DMD: variants seen among roughly 807,000 people sequenced by gnomAD.
The protein encoded by DMD is mutant dystrophin.
DMD carries 63 observed loss-of-function variants against 330.1 expected under a neutral mutation model. That is an observed-to-expected ratio of 0.19 (90% CI 0.16 to 0.24). The LOEUF is 0.24. Ranked by LOEUF, DMD falls within the 10% of genes least tolerant of loss-of-function variation. DMD has a pLI of 1.00. For missense variants in DMD, 3,344 were observed against 2,684.1 expected (o/e 1.25, Z -5.43); for synonymous variants, 1,223 against 959.8 (o/e 1.27, Z -5.07).
rs190194226 is a variant in DMD, at chrX:31,192,356, G to A, written c.9808-9452C>T. Among the ~76,000 whole-genome samples, 287 of 112,423 alleles carry A rather than the reference G, an allele frequency of 2.6e-3. 2 individuals carry two copies. The highest frequency in any genetic ancestry group is 0.023 in the Middle Eastern group (5 of 218). On this transcript the variant is annotated intron_variant, in intron 67 of 78. Transcript: ENST00000357033. ...ACTTGGGTTTTACCTTTGAGTTACT[G>A]AGGAAACTATAGTGTACGGACGCAA...
intron 44 of DMD, among the ~76,000 whole-genome samples, chrX:32,109,572 A>G (rs2096580008): frequency 9.6e-6 from 1 of 104,492 alleles, no homozygotes; most frequent in South Asian, 4.5e-4. Context: ...ATCACAGAAT[A>G]TTAGAGCTGG....
intron 19 of DMD, among the ~76,000 whole-genome samples, chrX:32,498,989 T>C (rs969338132): frequency 8.9e-5 from 10 of 111,948 alleles, no homozygotes; most frequent in African/African-American, 3.2e-4. Flanking sequence ...GTTTTCTGCA[T>C]TACTTAAGTG....
chrX:32,677,858 A>T (rs2062078685), intron 9 of DMD, among the ~76,000 whole-genome samples: 1 of 111,999 alleles, frequency 8.9e-6, no homozygotes. Flanking sequence ...AACAACGTAA[A>T]TGCCCGATAG....
At chrX:33,288,084 G>C (rs2053460088) in intron 1 of DMD, among the ~76,000 whole-genome samples, 1 of 111,710 alleles carries the variant, frequency 9.0e-6, no homozygotes, top group Non-Finnish European at 1.9e-5. Flanking sequence ...TCTAGGTTTA[G>C]TTTAAGGATT....
intron 51 of DMD, among the ~76,000 whole-genome samples, chrX:31,753,118 G>A (rs1468082023): frequency 9.1e-6 from 1 of 110,247 alleles, no homozygotes; most frequent in East Asian, 2.8e-4. Context: ...TCAGCCCAGG[G>A]ATGTGAATGA....
intron 41 of DMD, among the ~76,000 whole-genome samples, chrX:32,340,796 A>G (rs1174073564): frequency 1.8e-5 from 2 of 111,945 alleles, no homozygotes; most frequent in Non-Finnish European, 3.8e-5. Context: ...TTTATGACAC[A>G]TTACATTCAT....
At chrX:33,103,381 C>T (rs1255922970) in intron 1 of DMD, among the ~76,000 whole-genome samples, 2 of 110,426 alleles carry the variant, frequency 1.8e-5, no homozygotes, top group African/African-American at 3.3e-5. Context: ...GTGAAAATGG[C>T]CTGTTCCTGC....
At chrX:32,752,960 C>G (rs2071023736) in intron 7 of DMD, among the ~76,000 whole-genome samples, 1 of 110,974 alleles carries the variant, frequency 9.0e-6, no homozygotes, top group South Asian at 3.9e-4. Flanking sequence ...TCTATTAAAC[C>G]CTTTTTGCTG....
chrX:33,252,078 C>T (rs562477130), intron 1 of DMD, among the ~76,000 whole-genome samples: 2 of 111,833 alleles, frequency 1.8e-5, no homozygotes, highest in African/African-American at 6.5e-5. Context: ...AATGTTTCAG[C>T]TTTCTTTTTA....
At chrX:33,305,588 A>G (rs888358539) in intron 1 of DMD, among the ~76,000 whole-genome samples, 6 of 101,576 alleles carry the variant, frequency 5.9e-5, no homozygotes, top group African/African-American at 2.1e-4. Flanking sequence ...TTTAAAAAAA[A>G]TGCCAAATAT....
chrX:32,305,944 C>T (rs7057277), intron 42 of DMD, among the ~76,000 whole-genome samples: 17,119 of 110,301 alleles, frequency 0.16, 1,026 homozygotes, highest in African/African-American at 0.18. Flanking sequence ...CCAATCTTTG[C>T]TCAAAGGTCA....
chrX:32,242,428 C>G lies in DMD; in HGVS notation c.6291-25365G>C, dbSNP rs139599902. Among the ~76,000 whole-genome samples, 718 of 111,662 alleles carry G rather than the reference C, an allele frequency of 6.4e-3. 6 individuals carry two copies. Among genetic ancestry groups the G allele is most frequent in the African/African-American group, 0.022 (668 of 30,776 alleles). Reference sequence around the variant, plus strand: ...AGCCAATAGAATCATTCTGCATATGCTTTATTACCTGAAATACCACCTTTA... The same window carrying G: ...AGCCAATAGAATCATTCTGCATATGGTTTATTACCTGAAATACCACCTTTA... On this transcript the variant is annotated intron_variant, in intron 43 of 78. Transcript: ENST00000357033.
At chrX:32,698,555 T>C (rs2063830096) in intron 8 of DMD, among the ~76,000 whole-genome samples, 1 of 111,697 alleles carries the variant, frequency 9.0e-6, no homozygotes, top group Non-Finnish European at 1.9e-5. Flanking sequence ...AACAAGCCAA[T>C]GTCATGGAAG....
intron 34 of DMD, among the ~76,000 whole-genome samples, chrX:32,374,197 G>A (rs1310631677): frequency 1.8e-5 from 2 of 110,805 alleles, no homozygotes; most frequent in Non-Finnish European, 3.8e-5. Context: ...ATAGATTCTG[G>A]ATATTATTCT....
At chrX:31,465,925 C>T (rs1212817003) in intron 59 of DMD, among the ~76,000 whole-genome samples, 1 of 112,324 alleles carries the variant, frequency 8.9e-6, no homozygotes, top group Non-Finnish European at 1.9e-5. Flanking sequence ...ATTTGCATTT[C>T]TCTAATCACC....
intron 2 of DMD, among the ~76,000 whole-genome samples, chrX:32,967,106 C>A (rs2092189758): frequency 1.8e-5 from 2 of 111,926 alleles, no homozygotes; most frequent in African/African-American, 6.5e-5. Flanking sequence ...TATTCACTAA[C>A]TGGTGATGTT....
At chrX:32,698,039 G>GA in intron 8 of DMD, 41 bp from the exon 9 acceptor site, 2 of 1,158,986 alleles carry the variant, frequency 1.7e-6, no homozygotes, top group South Asian at 3.8e-5. Flanking sequence ...AGAGGAGGGG[G>GA]AAAAACCATA....
intron 44 of DMD, among the ~76,000 whole-genome samples, chrX:32,101,399 T>C (rs1378817789): frequency 1.8e-5 from 2 of 111,403 alleles, no homozygotes; most frequent in African/African-American, 3.3e-5. Flanking sequence ...GGAAAAGTCA[T>C]GTAGTGGGCA....
At chrX:31,682,739 C>T (rs1369073725) in intron 52 of DMD, among the ~76,000 whole-genome samples, 1 of 112,114 alleles carries the variant, frequency 8.9e-6, no homozygotes, top group Non-Finnish European at 1.9e-5. Flanking sequence ...TAATTACTAA[C>T]ATTTTACTAT....
Sources: gnomAD v4.1 joint callset for allele counts (sites outside exome capture counted in the v4.1 genomes callset) on GRCh38, gnomAD v4.1.1 for gene constraint, MANE v1.5 for transcripts, NCBI Gene and HGNC (gene_info 2026-07-23, HGNC 2026-07-21) for gene names.